The following CDH1 variants were observed in gnomAD, a reference collection of about 807,000 sequenced individuals.
CDH1 encodes the protein cadherin 1, also known as cadherin-1.
CDH1 carries 35 observed loss-of-function variants against 84.5 expected under a neutral mutation model. That is an observed-to-expected ratio of 0.41 (90% CI 0.32 to 0.55). The LOEUF is 0.55. Ranked by LOEUF, CDH1 falls within the 20% of genes least tolerant of loss-of-function variation. The probability of loss-of-function intolerance (pLI) is 0.19; values close to 1 mark genes in which losing one functional copy is unlikely to be tolerated. For missense variants in CDH1, 994 were observed against 1,126.6 expected (o/e 0.88, Z 1.68); for synonymous variants, 417 against 439.0 (o/e 0.95, Z 0.63).
At chr16:68,769,482 T>C (rs1458497475) in intron 2 of CDH1, among the ~76,000 whole-genome samples, 1 of 151,274 alleles carries the variant, frequency 6.6e-6, no homozygotes, top group Non-Finnish European at 1.5e-5. Flanking sequence ...TTTTTTTTCC[T>C]CTTTTTAATT....
At chr16:68,802,475 T>G (rs1487708940) in intron 3 of CDH1, among the ~76,000 whole-genome samples, 1 of 151,778 alleles carries the variant, frequency 6.6e-6, no homozygotes, top group African/African-American at 2.4e-5. Flanking sequence ...GATTCTTCTC[T>G]CTCTCTCTCT....
At chr16:68,785,107 T>A (rs772510534) in intron 2 of CDH1, among the ~76,000 whole-genome samples, 2 of 152,208 alleles carry the variant, frequency 1.3e-5, no homozygotes, top group Non-Finnish European at 2.9e-5. Flanking sequence ...GCCTCCCCCA[T>A]ACCTAAAATC....
At position 68,815,751 on chromosome 16, in the gene CDH1, G is replaced by C; in HGVS notation, c.1557G>C (p.Gln519His). 6.2e-7 allele frequency: 1 copy of C among 1,614,234 alleles called. No homozygotes were observed. Reference sequence around the variant, plus strand: ...AGGAGCCAGACACATTTATGGAACAGAAAATAACGTAAGTGTGAGGATTTT... The same window carrying C: ...AGGAGCCAGACACATTTATGGAACACAAAATAACGTAAGTGTGAGGATTTT... ...TAQEPDTFME[Q>H]KITYRIWRDT... is the part of the protein sequence containing the mutation. Residue 519 changes from glutamine to histidine, a missense_variant, in exon 10 of 16, where the codon CAG becomes CAC. Gln to His is a conservative substitution (Grantham distance 24). This residue lies in a region of CDH1 where 769 missense variants were observed against 881.8 expected (regional missense o/e 0.87). Transcript: ENST00000261769.
At position 68,815,721 on chromosome 16, in the gene CDH1, T is replaced by C. The variant is rs1438802668; in HGVS notation, c.1527T>C (p.Thr509=). Residue 509 remains threonine, a synonymous_variant, in exon 10 of 16, where the codon ACT becomes ACC. Transcript: ENST00000261769. ...TGGGCCAGGAAATCACATCCTACACTGCCCAGGAGCCAGACACATTTATGG... is the reference window on the plus strand; with the variant it reads ...TGGGCCAGGAAATCACATCCTACACCGCCCAGGAGCCAGACACATTTATGG... The part of the protein sequence containing the change: ...FGVGQEITSY[T]AQEPDTFMEQ... 1 of 1,614,262 alleles carries C rather than the reference T, an allele frequency of 6.2e-7. No individual in the cohort carries two copies. Among genetic ancestry groups the C allele is most frequent in the South Asian group, 1.1e-5 (1 of 91,090 alleles).
Position 68,823,536 on chromosome 16 carries a change from G to T in CDH1, c.2074G>T (p.Ala692Ser), listed in dbSNP as rs376854556. 2.5e-6 allele frequency: 4 copies of T among 1,613,960 alleles called. 1 individual carries two copies. In the Admixed American group the frequency reaches 6.7e-5, roughly 27 times the overall value. Residue 692 changes from alanine to serine, a missense_variant, in exon 13 of 16, where the codon GCT becomes TCT. By Grantham distance (99) the Ala-to-Ser change is moderately conservative (BLOSUM62 1). Coordinates refer to ENST00000261769, the MANE Select transcript of CDH1 (RefSeq NM_004360.5). ...CAGCGTGTGTGACTGTGAAGGGGCC[G>T]CTGGCGTCTGTAGGAAGGCACAGCC... ...EVSVCDCEGA[A>S]GVCRKAQPVE...
chr16:68,784,164 TGAAA>T (rs1167522872), intron 2 of CDH1, among the ~76,000 whole-genome samples: 2 of 152,142 alleles, frequency 1.3e-5, no homozygotes, highest in African/African-American at 4.8e-5. Context: ...TGGGCTTTGC[TGAAA>T]GAAAGGATTT....
At chr16:68,762,349 C>T (rs1015980947) in intron 2 of CDH1, among the ~76,000 whole-genome samples, 1 of 152,170 alleles carries the variant, frequency 6.6e-6, no homozygotes, top group South Asian at 2.1e-4. Context: ...TATGCTCCCC[C>T]ACCAGGCTGG....
At chr16:68,737,582 C>G in intron 1 of CDH1, 119 bp downstream of exon 1, 1 of 952,514 alleles carries the variant, frequency 1.0e-6, no homozygotes, top group East Asian at 2.7e-5. Context: ...AGTTCGGGTC[C>G]TGAGGAGCGG....
At chr16:68,806,957 T>C (rs1354055625) in intron 3 of CDH1, among the ~76,000 whole-genome samples, 1 of 152,182 alleles carries the variant, frequency 6.6e-6, no homozygotes, top group East Asian at 1.9e-4. Context: ...ATCTTCAATC[T>C]TAAAGCCAGA....
At chr16:68,827,413 A>G (rs1037221408) in intron 13 of CDH1, among the ~76,000 whole-genome samples, 1 of 151,930 alleles carries the variant, frequency 6.6e-6, no homozygotes, top group African/African-American at 2.4e-5. Flanking sequence ...TTTCTAAGTT[A>G]AGTGGTTTCT....
intron 3 of CDH1, among the ~76,000 whole-genome samples, chr16:68,804,996 A>ATTTTT (rs71148951): frequency 1.3e-4 from 12 of 89,692 alleles, no homozygotes; most frequent in East Asian, 3.2e-4. Flanking sequence ...TGCCCAGCTA[A>ATTTTT]TTTTTTTTTT....
In CDH1 at chr16:68,832,907, A is replaced by C. The variant is rs938647752; in HGVS notation, c.2440-383A>C. Among the ~76,000 whole-genome samples the C allele has an allele frequency of 2.0e-5, 3 of 152,044 alleles. No individual in the cohort carries two copies. The South Asian group carries it at 6.2e-4, about 32-fold the overall frequency. On this transcript the variant is annotated intron_variant, in intron 15 of 15. Transcript: ENST00000261769. ...CAGATTTAACTGTTAAGCATTTGGC[A>C]TTTATCCTTCCAGGCCTTTCTGGGT... is the stretch of plus-strand genomic sequence containing the variant.
intron 2 of CDH1, among the ~76,000 whole-genome samples, chr16:68,801,239 G>A (rs1005971158): frequency 2.0e-5 from 3 of 152,070 alleles, no homozygotes; most frequent in Non-Finnish European, 4.4e-5. Context: ...AGCCTCCCAA[G>A]TGGCTGCAAT....
At chr16:68,829,565 C>T (rs1961420337) in intron 14 of CDH1, 89 bp from the exon 15 acceptor site, 1 of 1,315,464 alleles carries the variant, frequency 7.6e-7, no homozygotes, top group Non-Finnish European at 1.1e-6. Context: ...AGGCATCATC[C>T]AACCATAATC....
chr16:68,829,151 G>C (rs1462420828), intron 14 of CDH1, among the ~76,000 whole-genome samples: 1 of 152,172 alleles, frequency 6.6e-6, no homozygotes, highest in African/African-American at 2.4e-5. Context: ...CTGGGGCTCA[G>C]CAGATTTAGG....
At chr16:68,823,309 G>A in intron 12 of CDH1, 90 bp from the exon 13 acceptor site, 1 of 883,914 alleles carries the variant, frequency 1.1e-6, no homozygotes, top group Non-Finnish European at 1.9e-6. Context: ...CGGCTTGCGG[G>A]TGTCTTTAGT....
chr16:68,829,254 A>C (rs1567515822), intron 14 of CDH1, among the ~76,000 whole-genome samples: 1 of 152,084 alleles, frequency 6.6e-6, no homozygotes, highest in African/African-American at 2.4e-5. Flanking sequence ...TGCCTTTCAG[A>C]CCTTTGCCTG....
chr16:68,768,253 G>A (rs1239910999), intron 2 of CDH1, among the ~76,000 whole-genome samples: 4 of 152,128 alleles, frequency 2.6e-5, no homozygotes, highest in Middle Eastern at 3.2e-3. Flanking sequence ...GCTTAATTAC[G>A]ATTTAAGAAA....
intron 15 of CDH1, among the ~76,000 whole-genome samples, 159 bp downstream of exon 15, chr16:68,829,956 TTTC>T (rs1262192829): frequency 6.5e-5 from 8 of 123,162 alleles, no homozygotes; most frequent in African/African-American, 9.5e-5. Flanking sequence ...TTTTTTTCTT[TTTC>T]TTTTTTTTTT....
Sources: allele counts gnomAD v4.1 joint callset (sites outside exome capture counted in the v4.1 genomes callset), GRCh38; gene constraint gnomAD v4.1.1; regional missense constraint gnomAD v4.1.1; transcripts MANE v1.5; gene names NCBI Gene and HGNC (gene_info 2026-07-23, HGNC 2026-07-21).